Variants in GABBR1 observed in about 807,000 individuals in gnomAD.
GABBR1 encodes gamma-aminobutyric acid type B receptor subunit 1, also known as GABA-B receptor, R1 subunit.
In GABBR1, 35 loss-of-function variants were observed where a neutral mutation model predicts 117.7. The ratio of observed to expected loss-of-function variants is 0.30; its 90% CI spans 0.23 to 0.39. The LOEUF is 0.39. GABBR1 is among the 10% of genes least tolerant of loss of function. GABBR1 has a pLI of 1.00. For missense variants in GABBR1, 709 were observed against 1,241.8 expected, an observed-to-expected ratio of 0.57 and a Z score of 6.45; for synonymous variants, 442 against 486.6, an observed-to-expected ratio of 0.91 and a Z score of 1.21.
rs764815489 is a variant in GABBR1 at position 29,613,303 on chromosome 6, G to A, written c.1506C>T (p.Asn502=). ...GGTAGATTTGGTCGGTAATGGTCTG[G>A]TTGTTGTAGTTGAAGTCCTCCAGGC... ...GVRLEDFNYN[N]QTITDQIYRA... The change falls in exon 12 of 23, where the codon AAC becomes AAT. Residue 502 remains asparagine, a synonymous_variant. Transcript: ENST00000377034. This position sits in a 1 kb window ranked among gnomAD's most constrained non-coding sequence, Gnocchi z 4.1. The A allele has an allele frequency of 1.2e-6, 2 of 1,613,068 alleles. No individual in the cohort carries two copies. Among genetic ancestry groups the A allele is most frequent in the South Asian group, 2.2e-5 (2 of 91,086 alleles).
chr6:29,618,059 C>T (rs1436779813), intron 11 of GABBR1, among the ~76,000 whole-genome samples: 2 of 152,036 alleles, frequency 1.3e-5, no homozygotes, highest in Non-Finnish European at 2.9e-5. Context: ...TACCAGCCAC[C>T]CTACACAGTC....
At position 29,607,171 on chromosome 6, in the gene GABBR1, G is replaced by A; in HGVS notation, c.2040C>T (p.Ser680=). The A allele has an allele frequency of 6.2e-7, 1 of 1,614,166 alleles. No homozygotes were observed. Among genetic ancestry groups the A allele is most frequent in the South Asian group, 1.1e-5 (1 of 91,084 alleles). ...GGACCCACCAAATCTTGGTGAACATGGAACCGTAGCCCAGACTAAAGCCCA... is the reference window on the plus strand; with the variant it reads ...GGACCCACCAAATCTTGGTGAACATAGAACCGTAGCCCAGACTAAAGCCCA... ...LGLGFSLGYG[S]MFTKIWWVHT... Residue 680 remains serine, a synonymous_variant, in exon 17 of 23, where the codon TCC becomes TCT. Coordinates refer to ENST00000377034, the MANE Select transcript of GABBR1 (RefSeq NM_001470.4). This position sits in a 1 kb window ranked among gnomAD's most constrained non-coding sequence, Gnocchi z 5.0.
chr6:29,612,410 G>A (rs1217462592), intron 13 of GABBR1, 141 bp downstream of exon 13: 1 of 604,250 alleles, frequency 1.7e-6, no homozygotes, highest in East Asian at 2.8e-5. Context: ...CAAGCTTGAT[G>A]AACAGAGTTA....
rs1582960362 is a variant in GABBR1 at position 29,609,352 on chromosome 6, A to C, written c.1736T>G (p.Leu579Arg). ...CAGGAAGCGGAATGTCTTGATGACCAGGGTCTGGTCAGCTGGGGGGGACCC... is the reference window on the plus strand; with the variant it reads ...CAGGAAGCGGAATGTCTTGATGACCCGGGTCTGGTCAGCTGGGGGGGACCC... ...IGGSPPADQT[L>R]VIKTFRFLSQ... is the part of the protein sequence containing the mutation. The change falls in exon 15 of 23, where the codon CTG becomes CGG. Residue 579 changes from leucine (L) to arginine (R), a missense_variant. Around this residue, in one of 9 missense-constraint regions of GABBR1, gnomAD observed 251 missense variants for 445.3 expected, o/e 0.56. Transcript: ENST00000377034. This position sits in a 1 kb window ranked among gnomAD's most constrained non-coding sequence, Gnocchi z 4.3. 6.2e-7 allele frequency: 1 copy of C among 1,613,064 alleles called. No individual in the cohort carries two copies. Among genetic ancestry groups the C allele is most frequent in the East Asian group, 2.2e-5 (1 of 44,874 alleles).
In GABBR1 at chr6:29,627,805, G is replaced by A; in HGVS notation, c.497-159C>T. 2 of 1,435,324 alleles carry A rather than the reference G, an allele frequency of 1.4e-6. No homozygotes were observed. Among genetic ancestry groups the A allele is most frequent in the Non-Finnish European group, 1.8e-6 (2 of 1,098,042 alleles). The allele number at this position is 1,435,324 out of a possible 1,614,324, so 88.9% of individuals were successfully genotyped here. ...CCCGGGCCCCATGGCGTGGGGGGCAGGGGTAGCTGTTGGGGAGCGTTAGGA... is the reference window on the plus strand; with the variant it reads ...CCCGGGCCCCATGGCGTGGGGGGCAAGGGTAGCTGTTGGGGAGCGTTAGGA... On this transcript the variant is annotated intron_variant, in intron 5 of 22. Coordinates refer to ENST00000377034, the MANE Select transcript of GABBR1 (RefSeq NM_001470.4). The surrounding 1 kb of genome is among the most constrained non-coding windows in gnomAD (Gnocchi z 4.4).
Position 29,621,263 on chromosome 6 carries a change from C to T in GABBR1, c.1161G>A (p.Lys387=), listed in dbSNP as rs575874047. The change falls in exon 11 of 23, where the codon AAG becomes AAA. Residue 387 remains lysine (K), a synonymous_variant. Coordinates refer to ENST00000377034, the MANE Select transcript of GABBR1 (RefSeq NM_001470.4). The surrounding 1 kb of genome is among the most constrained non-coding windows in gnomAD (Gnocchi z 5.0). ...ACCACCCAATGAGGAACCAGACGTACTTCTTCCCAAAGAGACGCTCCTTGT... is the reference window on the plus strand; with the variant it reads ...ACCACCCAATGAGGAACCAGACGTATTTCTTCCCAAAGAGACGCTCCTTGT... ...EVYKERLFGK[K]YVWFLIGWYA... is the part of the protein sequence containing the mutation. The T allele has an allele frequency of 1.2e-5, 19 of 1,613,048 alleles. No homozygotes were observed. Among genetic ancestry groups the T allele is most frequent in the Admixed American group, 8.3e-5 (5 of 60,026 alleles).
At position 29,602,263 on chromosome 6, in the gene GABBR1, C is replaced by T. The variant is rs1761439538; in HGVS notation, c.*1280G>A. The stretch of plus-strand genomic sequence containing the variant: ...CACTGTTCACTGGTTTATTGAGATT[C>T]GGGGAGATCCTTCCCCAAGAGACAC... On this transcript the variant is annotated 3_prime_UTR_variant, in exon 23 of 23. Coordinates refer to ENST00000377034, the MANE Select transcript of GABBR1 (RefSeq NM_001470.4). 1.3e-5 allele frequency: 2 copies of T among 152,386 alleles called. No individual in the cohort carries two copies. The highest frequency in any genetic ancestry group is 2.9e-5 in the Non-Finnish European group (2 of 68,226). The allele number at this position is 152,386 out of a possible 1,614,324, so 9.4% of individuals were successfully genotyped here.
chr6:29,606,869 G>A lies in GABBR1; in HGVS notation c.2217+28C>T. On this transcript the variant is annotated intron_variant, in intron 18 of 22. Transcript: ENST00000377034. The surrounding 1 kb of genome is among the most constrained non-coding windows in gnomAD (Gnocchi z 4.5). ...GCCACTGAGCCCTGCTCATTCTCCTGACCATAGCACCTCCTCTCCAGTGGT... is the reference window on the plus strand; with the variant it reads ...GCCACTGAGCCCTGCTCATTCTCCTAACCATAGCACCTCCTCTCCAGTGGT... 6.3e-7 allele frequency: 1 copy of A among 1,591,542 alleles called. No individual in the cohort carries two copies.
chr6:29,602,497 A>ATTT lies in GABBR1; in HGVS notation c.*1045_*1046insAAA. ...TGGGAGAAGATGATTGTGAGTGTAG[A>ATTT]CTGAGGGTAGTACATGAATGCAATG... On this transcript the variant is annotated 3_prime_UTR_variant, in exon 23 of 23. Transcript: ENST00000377034. The ATTT allele has an allele frequency of 6.2e-6, 1 of 161,448 alleles. No individual in the cohort carries two copies. Among genetic ancestry groups the ATTT allele is most frequent in the Non-Finnish European group, 1.4e-5 (1 of 72,596 alleles). 10.0% of individuals were successfully genotyped at this position (161,448 alleles called of 1,614,324 possible). A position where few individuals can be genotyped will look rare whatever the true frequency, so the allele number is the denominator to read the frequency against.
chr6:29,626,856 C>T (rs1352057255), intron 6 of GABBR1, among the ~76,000 whole-genome samples: 1 of 152,076 alleles, frequency 6.6e-6, no homozygotes, highest in Non-Finnish European at 1.5e-5. Flanking sequence ...ACCTCTTGAT[C>T]ATTAGCCTTC....
Position 29,613,126 on chromosome 6 carries a change from T to C in GABBR1, c.1566+117A>G, listed in dbSNP as rs1355662208. Reference sequence around the variant, plus strand: ...GGTCCCTACTTCTCTGGTCGGAGACTGATTCTGCAAAGAAGTAACTGAGAA... The same window carrying C: ...GGTCCCTACTTCTCTGGTCGGAGACCGATTCTGCAAAGAAGTAACTGAGAA... On this transcript the variant is annotated intron_variant, in intron 12 of 22. Transcript: ENST00000377034. The surrounding 1 kb of genome is among the most constrained non-coding windows in gnomAD (Gnocchi z 4.1). 8.8e-7 allele frequency: 1 copy of C among 1,135,544 alleles called. No individual in the cohort carries two copies. The highest frequency in any genetic ancestry group is 1.3e-6 in the Non-Finnish European group (1 of 779,740). The allele number at this position is 1,135,544 out of a possible 1,614,324, so 70.3% of individuals were successfully genotyped here.
chr6:29,631,317 A>C lies in GABBR1; in HGVS notation c.289+79T>G, dbSNP rs1397261838. ...TTGGTATACTGGATTTAAAGTGCTG[A>C]CTTGCAAGCAGTAATGCTAAGTTTG... On this transcript the variant is annotated intron_variant, in intron 3 of 22. Coordinates refer to ENST00000377034, the MANE Select transcript of GABBR1 (RefSeq NM_001470.4). The surrounding 1 kb of genome is among the most constrained non-coding windows in gnomAD (Gnocchi z 5.9). 3 of 1,376,278 alleles carry C rather than the reference A, an allele frequency of 2.2e-6. No homozygotes were observed. The highest frequency in any genetic ancestry group is 1.7e-5 in the Admixed American group (1 of 57,654). The allele number at this position is 1,376,278 out of a possible 1,614,324, so 85.3% of individuals were successfully genotyped here.
chr6:29,630,514 C>G lies in GABBR1; in HGVS notation c.419G>C (p.Ser140Thr). 1 of 1,613,104 alleles carries G rather than the reference C, an allele frequency of 6.2e-7. No individual in the cohort carries two copies. Among genetic ancestry groups the G allele is most frequent in the Non-Finnish European group, 8.5e-7 (1 of 1,180,032 alleles). Residue 140 changes from serine (S) to threonine (T), a missense_variant, in exon 4 of 23, where the codon AGC becomes ACC. Physicochemically the swap from Ser to Thr is moderately conservative, Grantham distance 58 (BLOSUM62 1). Coordinates refer to ENST00000377034, the MANE Select transcript of GABBR1 (RefSeq NM_001470.4). This position sits in a 1 kb window ranked among gnomAD's most constrained non-coding sequence, Gnocchi z 4.9. Reference sequence around the variant, plus strand: ...GCCCTGACTACAGATGCTCCGGGAGCTGCCCACCAGATGGAAGTCGGGGTC... The same window carrying G: ...GCCCTGACTACAGATGCTCCGGGAGGTGCCCACCAGATGGAAGTCGGGGTC... ...RCDPDFHLVGSSRSICSQGQW... is the reference protein window; with the variant it reads ...RCDPDFHLVGTSRSICSQGQW...
At chr6:29,624,138 T>C in intron 6 of GABBR1, 114 bp from the exon 7 acceptor site, 1 of 1,064,044 alleles carries the variant, frequency 9.4e-7, no homozygotes. Context: ...CTCACTTTCA[T>C]CATTAATTAC....
chr6:29,616,309 C>T (rs574164371), intron 11 of GABBR1, among the ~76,000 whole-genome samples: 1 of 151,468 alleles, frequency 6.6e-6, no homozygotes, highest in Non-Finnish European at 1.5e-5. Context: ...ACCCAGGAGG[C>T]GGAGGTTGCA....
chr6:29,603,065 G>C lies in GABBR1; in HGVS notation c.*478C>G, dbSNP rs1448859256. 2.2e-6 allele frequency: 1 copy of C among 457,514 alleles called. No homozygotes were observed. The highest frequency in any genetic ancestry group is 1.5e-5 in the South Asian group (1 of 64,582). The allele number at this position is 457,514 out of a possible 1,614,324, so 28.3% of individuals were successfully genotyped here. A position where few individuals can be genotyped will look rare whatever the true frequency, so the allele number is the denominator to read the frequency against. ...GGGGAGCCACATGTGAGAAAGTATAGAAGGGCAAGTAAGATGGAAAGAGAT... is the reference window on the plus strand; with the variant it reads ...GGGGAGCCACATGTGAGAAAGTATACAAGGGCAAGTAAGATGGAAAGAGAT... On this transcript the variant is annotated 3_prime_UTR_variant, in exon 23 of 23. Transcript: ENST00000377034.
intron 11 of GABBR1, among the ~76,000 whole-genome samples, chr6:29,616,084 C>G (rs964193556): frequency 6.6e-6 from 1 of 152,262 alleles, no homozygotes. Context: ...GCCTGTAATC[C>G]CAGCTACTCC....
At chr6:29,614,577 G>A (rs1048227580) in intron 11 of GABBR1, among the ~76,000 whole-genome samples, 6 of 152,222 alleles carry the variant, frequency 3.9e-5, no homozygotes, top group African/African-American at 4.8e-5. Flanking sequence ...CTTTGAAGGA[G>A]CCTGGGCTTT....
chr6:29,619,110 A>G (rs920016875), intron 11 of GABBR1, among the ~76,000 whole-genome samples: 2 of 152,218 alleles, frequency 1.3e-5, no homozygotes, highest in African/African-American at 4.8e-5. Context: ...AGGGCCTGAT[A>G]ACCTGTGAAC....
Sources: allele counts gnomAD v4.1 joint callset (sites outside exome capture counted in the v4.1 genomes callset), GRCh38; gene constraint gnomAD v4.1.1; regional missense constraint gnomAD v4.1.1; non-coding constraint Gnocchi (gnomAD v3.1); transcripts MANE v1.5; gene names NCBI Gene and HGNC (gene_info 2026-07-23, HGNC 2026-07-21).